LPP: variants seen among roughly 807,000 people sequenced by gnomAD.
The protein encoded by LPP is LIM domain containing preferred translocation partner in lipoma, also known as lipoma-preferred partner.
LPP carries 38 observed loss-of-function variants against 60.4 expected under a neutral mutation model. That is an observed-to-expected ratio of 0.63 (90% CI 0.49 to 0.83). LPP has a LOEUF of 0.83. Ranked by LOEUF, LPP falls within the 40% of genes least tolerant of loss-of-function variation. The pLI, the probability that LPP is intolerant of heterozygous loss-of-function variation, is 0.00. For synonymous variants in LPP, 328 were observed against 290.8 expected (o/e 1.13, Z -1.30); for missense variants, 902 against 783.6 (o/e 1.15, Z -1.80).
chr3:188,275,207 A>C lies in LPP; in HGVS notation c.-67+49680A>C, dbSNP rs561854551. Among the ~76,000 whole-genome samples, 4 of 152,288 alleles carry C rather than the reference A, an allele frequency of 2.6e-5. No individual in the cohort carries two copies. In the South Asian group the frequency reaches 8.3e-4, roughly 32 times the overall value. On this transcript the variant is annotated intron_variant, in intron 2 of 11. Transcript: ENST00000617246. ...ATTAAAACATAACTGTACAGAGTAC[A>C]TTTCCCTTGATTCTCTGTTTCCACA...
intron 6 of LPP, among the ~76,000 whole-genome samples, chr3:188,533,473 G>C (rs1041584529): frequency 1.3e-5 from 2 of 152,104 alleles, no homozygotes; most frequent in African/African-American, 4.8e-5. Context: ...GTGGATAGTG[G>C]CATCTTCCTC....
rs560812588 is a variant in LPP at position 188,189,377 on chromosome 3, C to T, written c.-190+35125C>T. Among the ~76,000 whole-genome samples the T allele has an allele frequency of 2.6e-5, 4 of 152,298 alleles. No individual in the cohort carries two copies. The South Asian group carries it at 6.2e-4, about 24-fold the overall frequency. The stretch of plus-strand genomic sequence containing the variant: ...CACTGGCATTACAGGCATGAGCCAC[C>T]GCACTAGGCCCATAAGGAAGAGTTT... On this transcript the variant is annotated intron_variant, in intron 1 of 11. Coordinates refer to ENST00000617246, the MANE Select transcript of LPP (RefSeq NM_001375462.1).
At chr3:188,646,825 C>T (rs938413) in intron 7 of LPP, among the ~76,000 whole-genome samples, 140,041 of 152,240 alleles carry the variant, frequency 0.92, 65,291 homozygotes, top group East Asian at 1. Context: ...ATGCATAAAC[C>T]GAACAAATCA....
intron 9 of LPP, among the ~76,000 whole-genome samples, chr3:188,809,848 A>G (rs2151292841): frequency 6.6e-6 from 1 of 152,126 alleles, no homozygotes; most frequent in East Asian, 1.9e-4. Context: ...ATCTTGAATT[A>G]ATTTTTGTGT....
chr3:188,846,765 G>C (rs969940391), intron 9 of LPP, among the ~76,000 whole-genome samples: 9 of 151,936 alleles, frequency 5.9e-5, no homozygotes, highest in African/African-American at 1.9e-4. Flanking sequence ...CTAGAATATA[G>C]GGTACCATAG....
chr3:188,635,033 A>C (rs1200997854), intron 7 of LPP, among the ~76,000 whole-genome samples: 2 of 152,028 alleles, frequency 1.3e-5, no homozygotes, highest in African/African-American at 2.4e-5. Context: ...CTTGTCAACC[A>C]CTCCATCTCC....
chr3:188,429,134 T>C (rs1402767556), intron 4 of LPP, among the ~76,000 whole-genome samples: 1 of 152,166 alleles, frequency 6.6e-6, no homozygotes, highest in Non-Finnish European at 1.5e-5. Flanking sequence ...ATATTGACAA[T>C]GTGTAACGTA....
chr3:188,192,371 C>T (rs775419193), intron 1 of LPP, among the ~76,000 whole-genome samples: 1 of 152,128 alleles, frequency 6.6e-6, no homozygotes, highest in Non-Finnish European at 1.5e-5. Flanking sequence ...ATTTTGTGCT[C>T]AGGTAATTGT....
chr3:188,753,041 A>AG (rs1320148506), intron 8 of LPP, among the ~76,000 whole-genome samples: 1 of 152,214 alleles, frequency 6.6e-6, no homozygotes, highest in Non-Finnish European at 1.5e-5. Context: ...ATACTGATAT[A>AG]GGTCAGAGTT....
chr3:188,573,997 C>G (rs1012941857), intron 6 of LPP, among the ~76,000 whole-genome samples: 7 of 152,132 alleles, frequency 4.6e-5, no homozygotes, highest in African/African-American at 1.7e-4. Flanking sequence ...CTCCGTAGCT[C>G]CAACTGTAAT....
chr3:188,740,761 A>G (rs1352621915), intron 8 of LPP, among the ~76,000 whole-genome samples: 3 of 151,990 alleles, frequency 2.0e-5, no homozygotes, highest in African/African-American at 7.2e-5. Context: ...ATTACTTCAT[A>G]GTGAAACACT....
intron 6 of LPP, among the ~76,000 whole-genome samples, chr3:188,584,887 C>T (rs1278524275): frequency 2.0e-5 from 3 of 152,070 alleles, no homozygotes; most frequent in Non-Finnish European, 4.4e-5. Flanking sequence ...TTTATCCCTC[C>T]CTGAAAAATT....
At position 188,876,314 on chromosome 3, in the gene LPP, C is replaced by T. The variant is rs1560331355; in HGVS notation, c.*1835C>T. On this transcript the variant is annotated 3_prime_UTR_variant, in exon 12 of 12. Transcript: ENST00000617246. ...TCTTAAGCCGATGGTCACTATAGCTCATCCTTAATGTATGGCTCATTTGCT... is the reference window on the plus strand; with the variant it reads ...TCTTAAGCCGATGGTCACTATAGCTTATCCTTAATGTATGGCTCATTTGCT... The T allele has an allele frequency of 1.1e-5, 2 of 190,350 alleles. No individual in the cohort carries two copies. The highest frequency in any genetic ancestry group is 1.9e-4 in the South Asian group (1 of 5,180). The allele number at this position is 190,350 out of a possible 1,614,324, so 11.8% of individuals were successfully genotyped here. A position where few individuals can be genotyped will look rare whatever the true frequency, so the allele number is the denominator to read the frequency against.
chr3:188,524,220 A>G (rs570200340), intron 5 of LPP, among the ~76,000 whole-genome samples: 1 of 152,240 alleles, frequency 6.6e-6, no homozygotes, highest in South Asian at 2.1e-4. Context: ...GCATGCTCCA[A>G]TGTCTTCAAG....
In LPP at chr3:188,166,496, T is replaced by C. The variant is rs1456575782; in HGVS notation, c.-190+12244T>C. Among the ~76,000 whole-genome samples the C allele has an allele frequency of 3.3e-5, 5 of 152,222 alleles. No homozygotes were observed. The South Asian group carries it at 6.2e-4, about 19-fold the overall frequency. On this transcript the variant is annotated intron_variant, in intron 1 of 11. Transcript: ENST00000617246. ...CTTATCTTGCTGTTGCCATTTCTTA[T>C]AGGGCTTTATGGAAACATGTGTTTT...
chr3:188,649,301 G>T (rs578001407), intron 7 of LPP, among the ~76,000 whole-genome samples: 1 of 152,314 alleles, frequency 6.6e-6, no homozygotes, highest in East Asian at 1.9e-4. Context: ...TGGTTACATT[G>T]TAAACACTCA....
intron 4 of LPP, among the ~76,000 whole-genome samples, chr3:188,406,790 G>A (rs562282782): frequency 7.9e-5 from 12 of 152,312 alleles, no homozygotes; most frequent in Non-Finnish European, 1.5e-4. Context: ...CCCTTAGGCT[G>A]CTGAAGGATA....
intron 9 of LPP, among the ~76,000 whole-genome samples, chr3:188,838,175 A>C (rs11919849): frequency 0.03 from 4,500 of 152,258 alleles, 220 homozygotes; most frequent in African/African-American, 0.1. Flanking sequence ...ATTGGTAATA[A>C]TATCAAACTT....
chr3:188,859,530 G>A (rs1444234050), intron 9 of LPP, among the ~76,000 whole-genome samples: 1 of 152,102 alleles, frequency 6.6e-6, no homozygotes, highest in Non-Finnish European at 1.5e-5. Flanking sequence ...AACCTTTGAG[G>A]GCAAGGATGG....
Sources: allele counts gnomAD v4.1 joint callset (sites outside exome capture counted in the v4.1 genomes callset), GRCh38; gene constraint gnomAD v4.1.1; transcripts MANE v1.5; gene names NCBI Gene and HGNC (gene_info 2026-07-23, HGNC 2026-07-21).